Variants in NBAS observed in about 807,000 individuals in gnomAD.
NBAS encodes the protein NBAS subunit of NRZ tethering complex, also known as NAG/BC035112 fusion.
A neutral mutation model predicts 302.5 loss-of-function variants in NBAS; 219 were observed. The observed-to-expected ratio is 0.72, with a 90% CI of 0.65 to 0.81. The LOEUF is 0.81. NBAS is among the 30% of genes least tolerant of loss of function. NBAS has a pLI of 0.00. For synonymous variants in NBAS, 1,118 were observed against 1,021.6 expected (o/e 1.09, Z -1.80); for missense variants, 2,932 against 2,841.6 (o/e 1.03, Z -0.72).
At chr2:15,274,670 GAT>G (rs1337230420) in intron 44 of NBAS, among the ~76,000 whole-genome samples, 1 of 152,200 alleles carries the variant, frequency 6.6e-6, no homozygotes, top group African/African-American at 2.4e-5. Context: ...AGGCCAAACT[GAT>G]GGAGGAGACA....
At chr2:14,951,089 G>T in the NBAS span, among the ~76,000 whole-genome samples, 1 of 152,136 alleles carries the variant, frequency 6.6e-6, no homozygotes, top group African/African-American at 2.4e-5. Flanking sequence ...TCAATATCTT[G>T]ATTTCAATTC....
chr2:14,883,200 T>C, the NBAS span, among the ~76,000 whole-genome samples: 1,819 of 152,312 alleles, frequency 0.012, 38 homozygotes, highest in African/African-American at 0.041. Context: ...GGTGTGCATA[T>C]GTGTCTTCTT....
chr2:14,888,008 T>C, the NBAS span, among the ~76,000 whole-genome samples: 1 of 152,214 alleles, frequency 6.6e-6, no homozygotes, highest in Non-Finnish European at 1.5e-5. Flanking sequence ...CATAAGGTGG[T>C]TGATTCTGGG....
chr2:15,252,101 G>C (rs1027200563), intron 44 of NBAS, among the ~76,000 whole-genome samples: 3 of 152,238 alleles, frequency 2.0e-5, no homozygotes, highest in Admixed American at 2.0e-4. Flanking sequence ...CAGCACCAGA[G>C]GTTTTAGCTA....
At chr2:14,821,645 A>G in the NBAS span, among the ~76,000 whole-genome samples, 1 of 152,248 alleles carries the variant, frequency 6.6e-6, no homozygotes, top group Admixed American at 6.5e-5. Context: ...AGAAGAGAAC[A>G]TTACTTGATT....
At chr2:15,319,014 C>A (rs779237753) in intron 38 of NBAS, among the ~76,000 whole-genome samples, 17 of 152,156 alleles carry the variant, frequency 1.1e-4, no homozygotes, top group Non-Finnish European at 2.2e-4. Context: ...CACTCCTCAG[C>A]AAACGTAAAA....
At chr2:15,473,936 T>C in intron 15 of NBAS, 131 bp downstream of exon 15, 1 of 1,098,246 alleles carries the variant, frequency 9.1e-7, no homozygotes, top group South Asian at 1.4e-5. Flanking sequence ...TTTATAGAAC[T>C]GATATTTTTA....
At chr2:15,101,011 C>G in the NBAS span, among the ~76,000 whole-genome samples, 1 of 152,150 alleles carries the variant, frequency 6.6e-6, no homozygotes, top group Non-Finnish European at 1.5e-5. Context: ...AATTTACTAG[C>G]CCTATTTCAA....
At chr2:14,822,008 G>C in the NBAS span, among the ~76,000 whole-genome samples, 1 of 151,998 alleles carries the variant, frequency 6.6e-6, no homozygotes, top group Non-Finnish European at 1.5e-5. Context: ...ACTCCAGCCT[G>C]GGCAACAGAG....
At chr2:15,290,588 A>G (rs538189975) in intron 41 of NBAS, among the ~76,000 whole-genome samples, 2 of 152,318 alleles carry the variant, frequency 1.3e-5, no homozygotes, top group South Asian at 4.1e-4. Context: ...GGATTACCAA[A>G]CGTCCATAGC....
chr2:14,817,220 A>G, the NBAS span, among the ~76,000 whole-genome samples: 2 of 152,196 alleles, frequency 1.3e-5, no homozygotes, highest in African/African-American at 4.8e-5. Context: ...CCTTGTAACT[A>G]TGGAGATTTT....
At chr2:15,424,254 T>A in intron 23 of NBAS, 61 bp downstream of exon 23, 2 of 1,591,636 alleles carry the variant, frequency 1.3e-6, no homozygotes, top group Non-Finnish European at 1.7e-6. Context: ...GTGTACTGAA[T>A]CCTAAGGATC....
the NBAS span, among the ~76,000 whole-genome samples, chr2:14,967,767 T>A: frequency 1.3e-5 from 2 of 152,100 alleles, no homozygotes; most frequent in Non-Finnish European, 2.9e-5. Flanking sequence ...ACAAAGGTAA[T>A]CCACAGAATG....
chr2:15,500,903 GAC>G (rs1661510676), intron 11 of NBAS, among the ~76,000 whole-genome samples: 1 of 150,114 alleles, frequency 6.7e-6, no homozygotes, highest in Non-Finnish European at 1.5e-5. Flanking sequence ...CAGCCTGGGT[GAC>G]AGAGTGAGAC....
At chr2:15,422,684 T>C (rs1677269320) in intron 23 of NBAS, among the ~76,000 whole-genome samples, 2 of 152,244 alleles carry the variant, frequency 1.3e-5, no homozygotes, top group African/African-American at 4.8e-5. Context: ...TCATTAATGA[T>C]CTTTTAAAAT....
At chr2:15,154,695 A>G in the NBAS span, among the ~76,000 whole-genome samples, 1 of 152,196 alleles carries the variant, frequency 6.6e-6, no homozygotes, top group African/African-American at 2.4e-5. Flanking sequence ...AAAAGCCACC[A>G]GAACCCTAGT....
chr2:15,128,672 G>A, the NBAS span, among the ~76,000 whole-genome samples: 1 of 152,132 alleles, frequency 6.6e-6, no homozygotes, highest in Admixed American at 6.5e-5. Context: ...GTGGGATCAG[G>A]GCTCACTTGT....
At chr2:14,848,736 G>C in the NBAS span, among the ~76,000 whole-genome samples, 2 of 151,210 alleles carry the variant, frequency 1.3e-5, no homozygotes, top group Non-Finnish European at 2.9e-5. Context: ...ATCTGAGAAC[G>C]GGCAGACTGC....
chr2:15,059,061 CCT>C, the NBAS span, among the ~76,000 whole-genome samples: 3 of 152,168 alleles, frequency 2.0e-5, no homozygotes, highest in South Asian at 4.1e-4. Flanking sequence ...CTGTTCAGCC[CCT>C]GTTTTGGGAT....
Sources: allele counts gnomAD v4.1 joint callset (sites outside exome capture counted in the v4.1 genomes callset), GRCh38; gene constraint gnomAD v4.1.1; transcripts MANE v1.5; gene names NCBI Gene and HGNC (gene_info 2026-07-23, HGNC 2026-07-21).